CLTCL1: variants seen among roughly 807,000 people sequenced by gnomAD.
The protein encoded by CLTCL1 is clathrin heavy chain like 1, also known as clathrin heavy chain 2.
Under a neutral mutation model 190.0 loss-of-function variants are expected in CLTCL1, and 159 were observed. The observed-to-expected ratio is 0.84, with a 90% CI of 0.74 to 0.95. The LOEUF is 0.95. CLTCL1 is among the 40% of genes least tolerant of loss of function. CLTCL1 has a pLI of 0.00. For missense variants in CLTCL1, 1,878 were observed against 2,033.4 expected (o/e 0.92, Z 1.47); for synonymous variants, 752 against 769.6 (o/e 0.98, Z 0.38).
chr22:19,237,217 G>A (rs2086108079), intron 5 of CLTCL1, among the ~76,000 whole-genome samples: 1 of 152,128 alleles, frequency 6.6e-6, no homozygotes, highest in Non-Finnish European at 1.5e-5. Context: ...ACACACACCT[G>A]TAACCCCAGC....
intron 10 of CLTCL1, among the ~76,000 whole-genome samples, chr22:19,231,670 G>T (rs782575502): frequency 3.9e-5 from 6 of 152,124 alleles, no homozygotes; most frequent in African/African-American, 1.4e-4. Flanking sequence ...TTTAATAATT[G>T]TTTTTGAAGG....
intron 29 of CLTCL1, 61 bp from the exon 30 acceptor site, chr22:19,183,672 A>G: frequency 6.4e-7 from 1 of 1,556,786 alleles, no homozygotes; most frequent in Non-Finnish European, 8.8e-7. Context: ...TGCCTGCAGC[A>G]GCTGGGCCGG....
At chr22:19,212,412 AAAC>A (rs1569177273) in intron 19 of CLTCL1, among the ~76,000 whole-genome samples, 1 of 151,372 alleles carries the variant, frequency 6.6e-6, no homozygotes, top group East Asian at 1.9e-4. Flanking sequence ...AAAAAAAAAA[AAAC>A]AACTAGCCAG....
intron 22 of CLTCL1, among the ~76,000 whole-genome samples, chr22:19,207,010 ATTTTTT>A (rs781980213): frequency 1.9e-4 from 18 of 92,784 alleles, no homozygotes; most frequent in African/African-American, 7.5e-4. Context: ...TAAACTACTA[ATTTTTT>A]TTTTTTTTTT....
intron 1 of CLTCL1, among the ~76,000 whole-genome samples, chr22:19,287,614 A>G (rs978087757): frequency 4.6e-5 from 7 of 152,176 alleles, no homozygotes; most frequent in Non-Finnish European, 1.0e-4. Flanking sequence ...GGAGGGCAAG[A>G]CTAGAAGTAG....
intron 2 of CLTCL1, among the ~76,000 whole-genome samples, chr22:19,272,981 C>T (rs1555981430): frequency 1.3e-5 from 2 of 152,132 alleles, no homozygotes; most frequent in East Asian, 1.9e-4. Context: ...GCTTCACGAG[C>T]CCCTTTCCAA....
chr22:19,251,096 G>A (rs782217520), intron 3 of CLTCL1, among the ~76,000 whole-genome samples: 6 of 151,908 alleles, frequency 3.9e-5, no homozygotes, highest in Non-Finnish European at 8.8e-5. Flanking sequence ...TTAAATCTTC[G>A]AGTCCATGAA....
intron 3 of CLTCL1, among the ~76,000 whole-genome samples, chr22:19,244,838 T>A (rs1020817530): frequency 1.3e-5 from 2 of 152,240 alleles, no homozygotes; most frequent in Non-Finnish European, 2.9e-5. Context: ...CAGGCAAGGA[T>A]TCAATGAGCA....
intron 2 of CLTCL1, among the ~76,000 whole-genome samples, chr22:19,273,666 T>C (rs2087398744): frequency 6.6e-6 from 1 of 152,198 alleles, no homozygotes; most frequent in Admixed American, 6.5e-5. Context: ...TTACCCATTA[T>C]AGCTTTAATC....
Position 19,188,098 on chromosome 22 carries a change from A to G in CLTCL1, c.4324-7T>C. 6.2e-7 allele frequency: 1 copy of G among 1,613,770 alleles called. No individual in the cohort carries two copies. On this transcript the variant is annotated splice_polypyrimidine_tract_variant and splice_region_variant and intron_variant, in intron 27 of 32. Coordinates refer to ENST00000427926, the MANE Select transcript of CLTCL1 (RefSeq NM_007098.4). ...CCAGGGGCAGCTGACCTGCCTGACA[A>G]GTTGAGGGAACCGTCAAGGCACTTG...
intron 26 of CLTCL1, among the ~76,000 whole-genome samples, chr22:19,194,414 G>A (rs902928377): frequency 6.6e-5 from 10 of 152,196 alleles, no homozygotes; most frequent in Admixed American, 2.0e-4. Flanking sequence ...GCTGGGAGGC[G>A]GAGGTTGCAG....
At chr22:19,258,662 G>T in intron 2 of CLTCL1, 1 of 646,592 alleles carries the variant, frequency 1.5e-6, no homozygotes, top group South Asian at 1.5e-5. Flanking sequence ...ACCACCGCCT[G>T]CTGGAAGATG....
At chr22:19,260,779 CAAAAAAAAAAA>C (rs34267370) in intron 2 of CLTCL1, among the ~76,000 whole-genome samples, 3 of 56,924 alleles carry the variant, frequency 5.3e-5, no homozygotes, top group Admixed American at 2.5e-4. Flanking sequence ...AACTCTGTCT[CAAAAAAAAAAA>C]AAAAAAAAAA....
At position 19,241,938 on chromosome 22, in the gene CLTCL1, T is replaced by C. The variant is rs1274990188; in HGVS notation, c.681+837A>G. 4.2e-5 allele frequency among the ~76,000 whole-genome samples: 6 copies of C among 144,492 alleles called. No individual in the cohort carries two copies. The East Asian group carries it at 1.2e-3, about 29-fold the overall frequency. 94.8% of individuals were successfully genotyped at this position (144,492 alleles called of 152,430 possible). On this transcript the variant is annotated intron_variant, in intron 4 of 32. Coordinates refer to ENST00000427926, the MANE Select transcript of CLTCL1 (RefSeq NM_007098.4). ...CCAAGAGCAGAAACTGTGCCTCATC[T>C]ACCTTTTTTTTTTTTTTTTTTGGAG... is the stretch of plus-strand genomic sequence containing the variant.
chr22:19,221,272 C>T (rs1555952071), intron 17 of CLTCL1, 105 bp downstream of exon 17: 2 of 809,272 alleles, frequency 2.5e-6, no homozygotes, highest in African/African-American at 3.5e-5. Flanking sequence ...GACCTGCCAT[C>T]TCCAGGTGCA....
rs140470964 is a variant in CLTCL1, at chr22:19,217,118, A to G, written c.2920-862T>C. On this transcript the variant is annotated intron_variant, in intron 18 of 32. Coordinates refer to ENST00000427926, the MANE Select transcript of CLTCL1 (RefSeq NM_007098.4). ...CTTTCTGCTAGTCTTTGTGAACTCA[A>G]TGGTACCATAAGATGCAAAAGTTCT... 3.4e-3 allele frequency among the ~76,000 whole-genome samples: 518 copies of G among 152,252 alleles called. 2 individuals are homozygous for G. Among genetic ancestry groups the G allele is most frequent in the Middle Eastern group, 6.8e-3 (2 of 294 alleles).
intron 21 of CLTCL1, among the ~76,000 whole-genome samples, chr22:19,208,644 C>G (rs1569171619): frequency 6.6e-6 from 1 of 151,552 alleles, no homozygotes; most frequent in South Asian, 2.1e-4. Context: ...GTGGGCCTGT[C>G]ACTCACTTTA....
At chr22:19,219,165 A>T (rs2085484861) in intron 18 of CLTCL1, among the ~76,000 whole-genome samples, 1 of 129,972 alleles carries the variant, frequency 7.7e-6, no homozygotes, top group Admixed American at 7.9e-5. Context: ...TGTTTTATTT[A>T]TTTATTTATT....
intron 3 of CLTCL1, among the ~76,000 whole-genome samples, chr22:19,247,045 T>C (rs902336825): frequency 3.9e-5 from 6 of 152,244 alleles, no homozygotes; most frequent in Non-Finnish European, 8.8e-5. Flanking sequence ...CTTTTGGTGC[T>C]ATTATATATC....
Sources: allele counts gnomAD v4.1 joint callset (sites outside exome capture counted in the v4.1 genomes callset), GRCh38; gene constraint gnomAD v4.1.1; transcripts MANE v1.5; gene names NCBI Gene and HGNC (gene_info 2026-07-23, HGNC 2026-07-21).